The following RAP1GDS1 variants were observed in gnomAD, a reference collection of about 807,000 sequenced individuals.
The protein encoded by RAP1GDS1 is RAP1, GTP-GDP dissociation stimulator 1.
A neutral mutation model predicts 71.1 loss-of-function variants in RAP1GDS1; 35 were observed. The ratio of observed to expected loss-of-function variants is 0.49; its 90% CI spans 0.38 to 0.65. The LOEUF (loss-of-function observed/expected upper bound fraction) is 0.65, where lower values mean the gene tolerates loss of function less well. Ranked by LOEUF, RAP1GDS1 falls within the 30% of genes least tolerant of loss-of-function variation. The pLI is 0.00. For synonymous variants in RAP1GDS1, 229 were observed against 243.1 expected (o/e 0.94, Z 0.54); for missense variants, 663 against 706.1 (o/e 0.94, Z 0.69).
intron 4 of RAP1GDS1, among the ~76,000 whole-genome samples, chr4:98,356,465 T>C (rs1343463105): frequency 1.3e-5 from 2 of 152,036 alleles, no homozygotes; most frequent in African/African-American, 2.4e-5. Context: ...TTGAGACTAG[T>C]GTTCTGTTTT....
At chr4:98,268,976 A>T (rs1197639065) in intron 1 of RAP1GDS1, among the ~76,000 whole-genome samples, 1 of 152,070 alleles carries the variant, frequency 6.6e-6, no homozygotes, top group African/African-American at 2.4e-5. Context: ...GTATGGAACC[A>T]CAAAAGATCT....
chr4:98,339,764 T>C (rs1735218696), intron 2 of RAP1GDS1, among the ~76,000 whole-genome samples: 2 of 152,222 alleles, frequency 1.3e-5, no homozygotes, highest in Admixed American at 1.3e-4. Context: ...GTTAAAACTT[T>C]GTAGTTTATA....
At chr4:98,301,455 A>G (rs1160611932) in intron 2 of RAP1GDS1, among the ~76,000 whole-genome samples, 1 of 152,152 alleles carries the variant, frequency 6.6e-6, no homozygotes, top group Non-Finnish European at 1.5e-5. Context: ...GCATTCTCTA[A>G]AAGTCCACAC....
chr4:98,360,323 A>G (rs999677889), intron 4 of RAP1GDS1, among the ~76,000 whole-genome samples: 5 of 152,188 alleles, frequency 3.3e-5, no homozygotes, highest in Non-Finnish European at 5.9e-5. Flanking sequence ...CTTGGGTTCA[A>G]TAAGAAGTCA....
At position 98,386,673 on chromosome 4, in the gene RAP1GDS1, A is replaced by G. The variant is rs141619563; in HGVS notation, c.509-5279A>G. 3.6e-4 allele frequency among the ~76,000 whole-genome samples: 54 copies of G among 152,026 alleles called. 2 individuals carry two copies. Among genetic ancestry groups the G allele is most frequent in the African/African-American group, 1.2e-3 (51 of 41,546 alleles). Reference sequence around the variant, plus strand: ...AACACATGCATGTTTGATATAAAGAAGGCTTTAAAATAATTGAATTTTAAA... The same window carrying G: ...AACACATGCATGTTTGATATAAAGAGGGCTTTAAAATAATTGAATTTTAAA... On this transcript the variant is annotated intron_variant, in intron 5 of 14. Coordinates refer to ENST00000408927, the MANE Select transcript of RAP1GDS1 (RefSeq NM_001100427.2).
intron 3 of RAP1GDS1, among the ~76,000 whole-genome samples, chr4:98,348,733 T>C (rs1736691528): frequency 6.6e-6 from 1 of 152,244 alleles, no homozygotes; most frequent in African/African-American, 2.4e-5. Flanking sequence ...ATGAGCATTT[T>C]TTCATGTGTC....
At chr4:98,332,946 C>T (rs1278636342) in intron 2 of RAP1GDS1, among the ~76,000 whole-genome samples, 1 of 152,180 alleles carries the variant, frequency 6.6e-6, no homozygotes, top group Non-Finnish European at 1.5e-5. Flanking sequence ...CTTTCGTGAG[C>T]TGCATAGACC....
intron 1 of RAP1GDS1, among the ~76,000 whole-genome samples, chr4:98,284,027 A>G (rs995515316): frequency 3.3e-5 from 5 of 152,134 alleles, no homozygotes; most frequent in South Asian, 2.1e-4. Context: ...CTACCTATAC[A>G]GAAGGAAGAG....
intron 13 of RAP1GDS1, among the ~76,000 whole-genome samples, chr4:98,435,722 AG>A (rs1186190724): frequency 6.6e-6 from 1 of 151,690 alleles, no homozygotes; most frequent in East Asian, 1.9e-4. Context: ...GAGTTTTGAG[AG>A]TTCTTTATAT....
intron 2 of RAP1GDS1, among the ~76,000 whole-genome samples, chr4:98,299,320 A>C (rs1178763416): frequency 6.6e-6 from 1 of 152,202 alleles, no homozygotes; most frequent in Non-Finnish European, 1.5e-5. Flanking sequence ...ATGGACATTC[A>C]GATTGGTTCC....
At chr4:98,368,415 T>A (rs6822914) in intron 4 of RAP1GDS1, among the ~76,000 whole-genome samples, 21,497 of 152,182 alleles carry the variant, frequency 0.14, 2,206 homozygotes, top group African/African-American at 0.28. Flanking sequence ...GCACTGCTTT[T>A]TAATAAAAAG....
intron 14 of RAP1GDS1, chr4:98,441,375 C>T (rs1397592185): frequency 1.0e-6 from 1 of 984,772 alleles, no homozygotes; most frequent in African/African-American, 1.7e-5. Context: ...AAAAGGGAGT[C>T]CAGTGTCACA....
chr4:98,421,197 T>G (rs1236816472), intron 11 of RAP1GDS1, 58 bp from the exon 12 acceptor site: 1 of 1,480,610 alleles, frequency 6.8e-7, no homozygotes, highest in Admixed American at 2.0e-5. Context: ...TCTGTACGAA[T>G]TATTTCAACT....
At chr4:98,331,775 C>CA (rs35584196) in intron 2 of RAP1GDS1, among the ~76,000 whole-genome samples, 1 of 152,052 alleles carries the variant, frequency 6.6e-6, no homozygotes, top group Non-Finnish European at 1.5e-5. Flanking sequence ...AATTCTAGGT[C>CA]AAAAAATCTT....
intron 1 of RAP1GDS1, among the ~76,000 whole-genome samples, chr4:98,275,302 G>A (rs1724048506): frequency 6.6e-6 from 1 of 152,044 alleles, no homozygotes; most frequent in South Asian, 2.1e-4. Context: ...AGTATACTAT[G>A]GTTTTTGAAG....
chr4:98,436,194 T>C (rs1751117169), intron 13 of RAP1GDS1, among the ~76,000 whole-genome samples: 1 of 152,154 alleles, frequency 6.6e-6, no homozygotes, highest in Admixed American at 6.6e-5. Context: ...CTGTCTTTCC[T>C]CCACTGCACT....
At chr4:98,329,855 G>T (rs6532731) in intron 2 of RAP1GDS1, among the ~76,000 whole-genome samples, 132,611 of 148,770 alleles carry the variant, frequency 0.89, 59,137 homozygotes, top group African/African-American at 0.97. Context: ...GTAAATACTT[G>T]TTTTTTATTC....
chr4:98,423,122 G>C (rs1749116568), intron 12 of RAP1GDS1, among the ~76,000 whole-genome samples: 2 of 152,220 alleles, frequency 1.3e-5, no homozygotes. Flanking sequence ...CAGCTTTAAA[G>C]CTACGTATGC....
chr4:98,389,274 T>A (rs1304828764), intron 5 of RAP1GDS1, among the ~76,000 whole-genome samples: 1 of 151,900 alleles, frequency 6.6e-6, no homozygotes, highest in African/African-American at 2.4e-5. Context: ...AGTGGAAATT[T>A]ATATCAACCT....
Sources: allele counts gnomAD v4.1 joint callset (sites outside exome capture counted in the v4.1 genomes callset), GRCh38; gene constraint gnomAD v4.1.1; transcripts MANE v1.5; gene names NCBI Gene and HGNC (gene_info 2026-07-23, HGNC 2026-07-21).